Variants in SMG5 observed in about 807,000 individuals in gnomAD.
SMG5 encodes SMG5 nonsense mediated mRNA decay factor, also known as nonsense-mediated mRNA decay factor SMG5.
A neutral mutation model predicts 122.9 loss-of-function variants in SMG5; 53 were observed. The ratio of observed to expected loss-of-function variants is 0.43; its 90% CI spans 0.35 to 0.54. The LOEUF (loss-of-function observed/expected upper bound fraction) is 0.54, where lower values mean the gene tolerates loss of function less well. Ranked by LOEUF, SMG5 falls within the 20% of genes least tolerant of loss-of-function variation. The pLI, the probability that SMG5 is intolerant of heterozygous loss-of-function variation, is 0.01. For missense variants in SMG5, 1,153 were observed against 1,285.6 expected (o/e 0.90, Z 1.58); for synonymous variants, 477 against 490.2 (o/e 0.97, Z 0.35).
intron 16 of SMG5, among the ~76,000 whole-genome samples, chr1:156,256,310 CTTTTTT>C (rs533116327): frequency 1.1e-4 from 10 of 86,962 alleles, no homozygotes; most frequent in Non-Finnish European, 2.6e-5. Context: ...CATCTTCTCT[CTTTTTT>C]TTTTTTTTTT....
At position 156,249,556 on chromosome 1, in the gene SMG5, C is replaced by T. The variant is rs1307859954; in HGVS notation, c.*1031G>A. On this transcript the variant is annotated 3_prime_UTR_variant, in exon 22 of 22. Coordinates refer to ENST00000361813, the MANE Select transcript of SMG5 (RefSeq NM_015327.3). ...CCCTGAGCTATTCATGATCTCTGCTCCCAGATATTCACCTCAACACTCCAA... is the reference window on the plus strand; with the variant it reads ...CCCTGAGCTATTCATGATCTCTGCTTCCAGATATTCACCTCAACACTCCAA... 1 of 371,368 alleles carries T rather than the reference C, an allele frequency of 2.7e-6. No individual in the cohort carries two copies. Among genetic ancestry groups the T allele is most frequent in the East Asian group, 7.3e-5 (1 of 13,646 alleles). 23.0% of individuals were successfully genotyped at this position (371,368 alleles called of 1,614,324 possible).
At chr1:156,278,377 G>GTT (rs370053043) in intron 2 of SMG5, among the ~76,000 whole-genome samples, 47 of 139,988 alleles carry the variant, frequency 3.4e-4, no homozygotes, top group African/African-American at 5.8e-4. Flanking sequence ...ATATTTTTGG[G>GTT]TTTTTTTTTT....
chr1:156,288,030 C>T, the SMG5 span, among the ~76,000 whole-genome samples: 3 of 151,702 alleles, frequency 2.0e-5, no homozygotes, highest in South Asian at 2.1e-4. Flanking sequence ...CTGGCTAACA[C>T]GGTGAAACCC....
intron 20 of SMG5, 165 bp from the exon 21 acceptor site, chr1:156,251,161 C>A: frequency 9.9e-7 from 1 of 1,006,526 alleles, no homozygotes. Flanking sequence ...GGCAAAGGTG[C>A]ATTGAGGGAA....
intron 14 of SMG5, 111 bp from the exon 15 acceptor site, chr1:156,260,737 C>T (rs1661786638): frequency 9.9e-7 from 1 of 1,015,194 alleles, no homozygotes; most frequent in Admixed American, 3.5e-5. Flanking sequence ...TGAGGCAGGA[C>T]ATACCCTAGG....
the SMG5 span, among the ~76,000 whole-genome samples, chr1:156,289,694 C>T: frequency 6.6e-6 from 1 of 152,232 alleles, no homozygotes; most frequent in African/African-American, 2.4e-5. Flanking sequence ...AGAGAAGCAG[C>T]AGTTACTCTT....
At chr1:156,291,442 CCTGACGTTT>C in the SMG5 span, 1 of 1,614,024 alleles carries the variant, frequency 6.2e-7, no homozygotes, top group Non-Finnish European at 8.5e-7. Context: ...TCGGCTACGG[CCTGACGTTT>C]CTGCCACTGC....
intron 12 of SMG5, among the ~76,000 whole-genome samples, chr1:156,265,074 A>ACACACAC (rs1558237998): frequency 4.2e-5 from 3 of 71,022 alleles, no homozygotes; most frequent in African/African-American, 1.7e-4. Context: ...CACACACACA[A>ACACACAC]AAGCCGGGCA....
upstream of SMG5, chr1:156,285,472 TCAGCCCAGTGC>T (rs757382839): frequency 1.9e-6 from 3 of 1,614,082 alleles, no homozygotes; most frequent in East Asian, 6.7e-5. Flanking sequence ...GGACTGGCCC[TCAGCCCAGTGC>T]TCCGTTCCCG....
At chr1:156,261,448 C>T in intron 13 of SMG5, 40 bp from the exon 14 acceptor site, 1 of 1,561,834 alleles carries the variant, frequency 6.4e-7, no homozygotes, top group African/African-American at 1.4e-5. Flanking sequence ...CAGCTAGAGA[C>T]AGTGGTGGAG....
At chr1:156,279,088 G>A in intron 1 of SMG5, 54 bp from the exon 2 acceptor site, 9 of 1,444,902 alleles carry the variant, frequency 6.2e-6, no homozygotes, top group Non-Finnish European at 8.8e-6. Context: ...GTCCACAGAG[G>A]ATGACGCTGG....
At chr1:156,267,275 C>T (rs1410912291) in intron 10 of SMG5, among the ~76,000 whole-genome samples, 195 bp downstream of exon 10, 2 of 152,182 alleles carry the variant, frequency 1.3e-5, no homozygotes, top group Non-Finnish European at 2.9e-5. Context: ...AGGAAATGTG[C>T]TGTTGCTTGT....
chr1:156,250,714 G>A, intron 21 of SMG5, 44 bp from the exon 22 acceptor site: 2 of 1,606,408 alleles, frequency 1.2e-6, no homozygotes, highest in African/African-American at 2.7e-5. Context: ...CTGACCTCCT[G>A]AACTGAAGAG....
chr1:156,285,176 C>T, upstream of SMG5: 1 of 1,510,152 alleles, frequency 6.6e-7, no homozygotes, highest in Admixed American at 2.3e-5. Context: ...TTCCTCTGTT[C>T]CCTGCAGGAT....
At chr1:156,254,080 C>T (rs1258811338) in intron 16 of SMG5, among the ~76,000 whole-genome samples, 4 of 151,962 alleles carry the variant, frequency 2.6e-5, no homozygotes, top group African/African-American at 7.3e-5. Flanking sequence ...TTTGAATCTT[C>T]CCTTTCTCTC....
At chr1:156,278,880 TG>T in intron 2 of SMG5, 55 bp downstream of exon 2, 1 of 1,433,972 alleles carries the variant, frequency 7.0e-7, no homozygotes, top group African/African-American at 1.4e-5. Flanking sequence ...AGAAGGTTTC[TG>T]GTAGAGATAG....
At chr1:156,265,237 A>C (rs1424009830) in intron 12 of SMG5, among the ~76,000 whole-genome samples, 1 of 142,236 alleles carries the variant, frequency 7.0e-6, no homozygotes, top group Non-Finnish European at 1.6e-5. Context: ...AAAAAAAAAA[A>C]AACTTTGGAA....
In SMG5 at chr1:156,265,970, G is replaced by A. The variant is rs1291666371; in HGVS notation, c.1666C>T (p.Leu556=). The change falls in exon 12 of 22, where the codon CTG becomes TTG. Residue 556 remains leucine, a synonymous_variant. Coordinates refer to ENST00000361813, the MANE Select transcript of SMG5 (RefSeq NM_015327.3). The part of the protein sequence containing the change: ...SEAPDSLNGP[L]GPSEASIASN... ...GCAATGCTAGCCTCACTGGGGCCCA[G>A]TGGGCCATTGAGGGAATCGGGAGCC... 1 of 1,614,240 alleles carries A rather than the reference G, an allele frequency of 6.2e-7. No individual in the cohort carries two copies. Among genetic ancestry groups the A allele is most frequent in the Admixed American group, 1.7e-5 (1 of 60,026 alleles).
chr1:156,250,713 T>C (rs774048568), intron 21 of SMG5, 43 bp from the exon 22 acceptor site: 1 of 1,608,334 alleles, frequency 6.2e-7, no homozygotes, highest in Admixed American at 1.7e-5. Context: ...TCTGACCTCC[T>C]GAACTGAAGA....
Sources: allele counts gnomAD v4.1 joint callset (sites outside exome capture counted in the v4.1 genomes callset), GRCh38; gene constraint gnomAD v4.1.1; transcripts MANE v1.5; gene names NCBI Gene and HGNC (gene_info 2026-07-23, HGNC 2026-07-21).